Variants in RASAL2 observed in about 807,000 individuals in gnomAD.
The protein encoded by RASAL2 is ras GTPase-activating protein nGAP.
In RASAL2, 58 loss-of-function variants were observed where a neutral mutation model predicts 128.9. That is an observed-to-expected ratio of 0.45 (90% CI 0.36 to 0.56). RASAL2 has a LOEUF of 0.56. Among genes scored for constraint, RASAL2 ranks in the 20% least tolerant of loss-of-function variants. RASAL2 has a pLI of 0.00. For synonymous variants in RASAL2, 561 were observed against 580.8 expected (o/e 0.97, Z 0.49); for missense variants, 1,360 against 1,601.6 (o/e 0.85, Z 2.57).
At chr1:178,301,464 G>C (rs528688590) in intron 3 of RASAL2, among the ~76,000 whole-genome samples, 1 of 151,168 alleles carries the variant, frequency 6.6e-6, no homozygotes, top group Middle Eastern at 3.4e-3. Flanking sequence ...ACAGAGACTT[G>C]CTGTGTTGCC....
chr1:178,120,197 G>A (rs1007329220), intron 1 of RASAL2, among the ~76,000 whole-genome samples: 1 of 152,190 alleles, frequency 6.6e-6, no homozygotes, highest in Non-Finnish European at 1.5e-5. Flanking sequence ...ATCAAATATT[G>A]TACAAAGTGG....
chr1:178,265,931 A>C (rs1665927836), intron 1 of RASAL2, among the ~76,000 whole-genome samples: 1 of 152,136 alleles, frequency 6.6e-6, no homozygotes, highest in African/African-American at 2.4e-5. Flanking sequence ...TGTTTTCTAT[A>C]GTTATAGTTC....
intron 3 of RASAL2, among the ~76,000 whole-genome samples, chr1:178,360,096 C>T (rs532665350): frequency 6.4e-4 from 98 of 152,268 alleles, no homozygotes; most frequent in African/African-American, 2.0e-3. Context: ...GTTTACTTTA[C>T]TTTCAGTAAT....
At chr1:178,159,114 G>A (rs900377541) in intron 1 of RASAL2, among the ~76,000 whole-genome samples, 2 of 152,062 alleles carry the variant, frequency 1.3e-5, no homozygotes, top group African/African-American at 4.8e-5. Context: ...ATTATTTTTC[G>A]AAAATAAAAT....
chr1:178,273,512 G>A (rs970132161), intron 1 of RASAL2, among the ~76,000 whole-genome samples: 4 of 152,130 alleles, frequency 2.6e-5, no homozygotes, highest in African/African-American at 7.2e-5. Context: ...CCACTAACAG[G>A]TTCACCAAAT....
chr1:178,222,629 T>G (rs1015866546), intron 1 of RASAL2, among the ~76,000 whole-genome samples: 29 of 152,280 alleles, frequency 1.9e-4, no homozygotes, highest in African/African-American at 6.3e-4. Flanking sequence ...AATGTTGATA[T>G]TTGTTTCAGG....
chr1:178,182,362 C>T (rs1312562714), intron 1 of RASAL2, among the ~76,000 whole-genome samples: 1 of 152,124 alleles, frequency 6.6e-6, no homozygotes, highest in Non-Finnish European at 1.5e-5. Flanking sequence ...GCCATTTCTC[C>T]AAAGAGCCCT....
In RASAL2 at chr1:178,393,931, A is replaced by T. The variant is rs185807558; in HGVS notation, c.564+3725A>T. On this transcript the variant is annotated intron_variant, in intron 4 of 17. Transcript: ENST00000367649. The stretch of plus-strand genomic sequence containing the variant: ...ACTGATAATGTCCCTAGTCAAATGG[A>T]ATATTAAATATGTAATTACATTTAA... Among the ~76,000 whole-genome samples the T allele has an allele frequency of 2.0e-5, 3 of 152,366 alleles. No individual in the cohort carries two copies. The East Asian group carries it at 5.8e-4, about 29-fold the overall frequency.
At chr1:178,168,502 C>T (rs1222782539) in intron 1 of RASAL2, among the ~76,000 whole-genome samples, 1 of 151,736 alleles carries the variant, frequency 6.6e-6, no homozygotes. Context: ...GAAGTTTTTA[C>T]TGGTAATCTA....
chr1:178,269,627 C>T (rs889518438), intron 1 of RASAL2, among the ~76,000 whole-genome samples: 1 of 152,160 alleles, frequency 6.6e-6, no homozygotes, highest in Admixed American at 6.5e-5. Flanking sequence ...GTCGTCCTCA[C>T]TTCTACACTC....
intron 3 of RASAL2, among the ~76,000 whole-genome samples, chr1:178,379,824 G>A (rs746549981): frequency 1.3e-5 from 2 of 152,088 alleles, no homozygotes; most frequent in Non-Finnish European, 2.9e-5. Context: ...AAATTAAGCT[G>A]AACAGATATC....
chr1:178,205,159 C>T (rs777641541), intron 1 of RASAL2, among the ~76,000 whole-genome samples: 24 of 152,078 alleles, frequency 1.6e-4, no homozygotes, highest in African/African-American at 5.8e-4. Context: ...CGTACGCTTC[C>T]ATGCCCAGCT....
chr1:178,438,226 GTAGAAAGGAGAAAGCAGCCT>G (rs1180284368), intron 5 of RASAL2, among the ~76,000 whole-genome samples: 1 of 151,180 alleles, frequency 6.6e-6, no homozygotes, highest in Non-Finnish European at 1.5e-5. Context: ...TAGAATAAAG[GTAGAAAGGAGAAAGCAGCCT>G]TAGTGCTAGT....
chr1:178,381,359 TA>T (rs1672273794), intron 3 of RASAL2, among the ~76,000 whole-genome samples: 1 of 152,066 alleles, frequency 6.6e-6, no homozygotes, highest in Admixed American at 6.6e-5. Context: ...TGGTGGATGG[TA>T]GTGGAAATAA....
At chr1:178,094,778 C>G (rs1471722791) in intron 1 of RASAL2, 84 bp downstream of exon 1, 3 of 1,510,622 alleles carry the variant, frequency 2.0e-6, no homozygotes, top group Non-Finnish European at 2.7e-6. Context: ...CAGGCTCATT[C>G]CCAGTCCTCA....
At chr1:178,325,820 G>T (rs1178862423) in intron 3 of RASAL2, among the ~76,000 whole-genome samples, 1 of 152,176 alleles carries the variant, frequency 6.6e-6, no homozygotes, top group African/African-American at 2.4e-5. Context: ...GTTAAAATTA[G>T]CTGGGTACCA....
chr1:178,130,177 A>G (rs1021005485), intron 1 of RASAL2, among the ~76,000 whole-genome samples: 7 of 152,200 alleles, frequency 4.6e-5, no homozygotes, highest in African/African-American at 1.7e-4. Context: ...TGATTTTTTT[A>G]AAGGCCAATT....
At chr1:178,382,916 T>A (rs1484448681) in intron 3 of RASAL2, among the ~76,000 whole-genome samples, 1 of 152,176 alleles carries the variant, frequency 6.6e-6, no homozygotes, top group African/African-American at 2.4e-5. Flanking sequence ...CTGAGCTATT[T>A]TCTTGGCCTT....
intron 1 of RASAL2, among the ~76,000 whole-genome samples, chr1:178,272,937 A>G (rs1473693910): frequency 2.0e-5 from 3 of 152,188 alleles, no homozygotes; most frequent in Non-Finnish European, 4.4e-5. Flanking sequence ...ACCTTAAAAA[A>G]AAAAAAAATC....
Sources: allele counts gnomAD v4.1 joint callset (sites outside exome capture counted in the v4.1 genomes callset), GRCh38; gene constraint gnomAD v4.1.1; transcripts MANE v1.5; gene names NCBI Gene and HGNC (gene_info 2026-07-23, HGNC 2026-07-21).